The following CCDC180 variants were observed in gnomAD, a reference collection of about 807,000 sequenced individuals.
CCDC180 encodes the protein coiled-coil domain containing 180, also known as coiled-coil domain-containing protein 180.
In CCDC180, 154 loss-of-function variants were observed where a neutral mutation model predicts 209.2. The observed-to-expected ratio is 0.74, with a 90% CI of 0.65 to 0.84. The LOEUF is 0.84. Ranked by LOEUF, CCDC180 falls within the 40% of genes least tolerant of loss-of-function variation. CCDC180 has a pLI of 0.00. For missense variants in CCDC180, 1,874 were observed against 1,997.3 expected (o/e 0.94, Z 1.18); for synonymous variants, 778 against 749.1 (o/e 1.04, Z -0.63).
chr9:97,375,153 C>T (rs1420164276), intron 35 of CCDC180, among the ~76,000 whole-genome samples: 3 of 152,220 alleles, frequency 2.0e-5, no homozygotes, highest in South Asian at 2.1e-4. Context: ...TGGTGGCCAC[C>T]GCCTGGCTGG....
At chr9:97,343,627 T>TA (rs34335877) in intron 19 of CCDC180, 64 bp downstream of exon 19, 73,250 of 900,206 alleles carry the variant, frequency 0.081, 165 homozygotes, top group East Asian at 0.14. Context: ...GGTGAAATAT[T>TA]AAAAAAAAAA....
Position 97,345,672 on chromosome 9 carries a change from A to G in CCDC180, c.2499-1642A>G, listed in dbSNP as rs1455867652. On this transcript the variant is annotated intron_variant, in intron 19 of 36. Coordinates refer to ENST00000529487, the MANE Select transcript of CCDC180 (RefSeq NM_020893.6). ...AGGCTGAAGCAGGAGAATCGCCTGA[A>G]CCCAGGAGGCGGAGGTTACAGTGAA... 5 of 384,246 alleles carry G rather than the reference A, an allele frequency of 1.3e-5. No individual in the cohort carries two copies. In the East Asian group the frequency reaches 4.5e-4, roughly 34 times the overall value. 23.8% of individuals were successfully genotyped at this position (384,246 alleles called of 1,614,324 possible).
chr9:97,320,304 G>C, intron 11 of CCDC180, 99 bp downstream of exon 11: 1 of 1,123,016 alleles, frequency 8.9e-7, no homozygotes, highest in South Asian at 1.2e-5. Flanking sequence ...GCCATCATGG[G>C]GAGGAGGGAT....
intron 22 of CCDC180, among the ~76,000 whole-genome samples, chr9:97,352,418 A>G (rs983372297): frequency 6.6e-6 from 1 of 152,140 alleles, no homozygotes; most frequent in African/African-American, 2.4e-5. Context: ...CTTCCTTCCT[A>G]CAACTATGCA....
intron 31 of CCDC180, chr9:97,369,304 T>C (rs1827008216): frequency 6.6e-6 from 1 of 152,212 alleles, no homozygotes; most frequent in South Asian, 2.1e-4. Flanking sequence ...AGGCAATAGT[T>C]GAAATAATGG....
At position 97,349,625 on chromosome 9, in the gene CCDC180, A is replaced by T. The variant is rs75018772; in HGVS notation, c.2855+334A>T. Among the ~76,000 whole-genome samples the T allele has an allele frequency of 2.5e-3, 384 of 152,336 alleles. 1 individual carries two copies. The highest frequency in any genetic ancestry group is 8.7e-3 in the African/African-American group (362 of 41,576). The stretch of plus-strand genomic sequence containing the variant: ...CTGCAGGAGGCAGCATTGAAGATGA[A>T]CTCAGAGGAGCCCTGAATGGAGAAA... On this transcript the variant is annotated intron_variant, in intron 21 of 36. Coordinates refer to ENST00000529487, the MANE Select transcript of CCDC180 (RefSeq NM_020893.6).
chr9:97,308,272 T>G, intron 2 of CCDC180, 140 bp downstream of exon 2: 1 of 746,364 alleles, frequency 1.3e-6, no homozygotes, highest in Middle Eastern at 2.6e-4. Context: ...AAAATAATTC[T>G]TGCTTGTTCT....
intron 20 of CCDC180, among the ~76,000 whole-genome samples, chr9:97,348,120 G>T (rs1413299460): frequency 1.6e-3 from 2 of 1,216 alleles, no homozygotes; most frequent in African/African-American, 0.022. Context: ...AATGCGGGGC[G>T]GGGGGGGGGC....
At chr9:97,340,386 C>T (rs1190017149) in intron 18 of CCDC180, among the ~76,000 whole-genome samples, 2 of 152,100 alleles carry the variant, frequency 1.3e-5, no homozygotes, top group African/African-American at 4.8e-5. Flanking sequence ...CGGCAAGCCA[C>T]CCAGGTGCCG....
At position 97,323,892 on chromosome 9, in the gene CCDC180, G is replaced by A. The variant is rs1332941555; in HGVS notation, c.1360G>A (p.Glu454Lys). 6.4e-7 allele frequency: 1 copy of A among 1,554,402 alleles called. No individual in the cohort carries two copies. The highest frequency in any genetic ancestry group is 8.7e-7 in the Non-Finnish European group (1 of 1,148,614). The change falls in exon 13 of 37, where the codon GAG becomes AAG. Residue 454 changes from glutamate to lysine, a missense_variant. By Grantham distance (56) the Glu-to-Lys change is moderately conservative. Coordinates refer to ENST00000529487, the MANE Select transcript of CCDC180 (RefSeq NM_020893.6). ...CCAGGGCAAAGTGGAGGAGGACCTG[G>A]AGCTCTTGGACGTGCGTGCTGGGGA... ...ALQGKVEEDL[E>K]LLDKSFETLA...
intron 31 of CCDC180, among the ~76,000 whole-genome samples, chr9:97,368,514 T>C (rs1044848720): frequency 3.3e-5 from 5 of 152,128 alleles, no homozygotes; most frequent in Admixed American, 2.6e-4. Flanking sequence ...AGAAGGAAAC[T>C]GTCTTATCAA....
In CCDC180 at chr9:97,377,044, C is replaced by A; in HGVS notation, c.*150C>A. On this transcript the variant is annotated 3_prime_UTR_variant, in exon 37 of 37. Coordinates refer to ENST00000529487, the MANE Select transcript of CCDC180 (RefSeq NM_020893.6). Reference sequence around the variant, plus strand: ...ACTGTAGCTTTACCAGCGAACAGGACACAGCATGGTCCCTGCCCACGTGGA... The same window carrying A: ...ACTGTAGCTTTACCAGCGAACAGGAAACAGCATGGTCCCTGCCCACGTGGA... 3.6e-6 allele frequency: 3 copies of A among 823,856 alleles called. No individual in the cohort carries two copies. The highest frequency in any genetic ancestry group is 5.4e-6 in the Non-Finnish European group (3 of 558,166). 51.0% of individuals were successfully genotyped at this position (823,856 alleles called of 1,614,324 possible). A position where few individuals can be genotyped will look rare whatever the true frequency, so the allele number is the denominator to read the frequency against.
At chr9:97,342,791 A>G (rs1049673453) in intron 18 of CCDC180, among the ~76,000 whole-genome samples, 4 of 152,192 alleles carry the variant, frequency 2.6e-5, no homozygotes, top group Admixed American at 2.0e-4. Context: ...AAAGCTCCAT[A>G]TTCAAGCTGG....
chr9:97,362,150 C>T (rs767193178), intron 27 of CCDC180, 46 bp from the exon 28 acceptor site: 1 of 1,582,186 alleles, frequency 6.3e-7, no homozygotes, highest in East Asian at 2.2e-5. Flanking sequence ...CTGAGCTACC[C>T]CCATGGTCAC....
chr9:97,356,512 C>G lies in CCDC180; in HGVS notation c.3265-1115C>G, dbSNP rs536877778. On this transcript the variant is annotated intron_variant, in intron 24 of 36. Coordinates refer to ENST00000529487, the MANE Select transcript of CCDC180 (RefSeq NM_020893.6). ...TAGTCCCTGGAGCATAGTGAATCCT[C>G]AGTAAAGGCAGGCTCTGGTGGAGGC... 2.3e-3 allele frequency among the ~76,000 whole-genome samples: 355 copies of G among 152,334 alleles called. 3 individuals carry two copies. Among genetic ancestry groups the G allele is most frequent in the Non-Finnish European group, 1.9e-3 (130 of 68,030 alleles).
rs1453378005 is a variant in CCDC180, at chr9:97,328,076, T to C, written c.1718T>C (p.Met573Thr). ...GAAGTGATGGAGTACCCAGCGATCA[T>C]GCTGAAAGAACTCAACTCCTACAGC... is the stretch of plus-strand genomic sequence containing the variant. Reference protein sequence around the residue: ...TKEVMEYPAIMLKELNSYSSA... With the variant: ...TKEVMEYPAITLKELNSYSSA... Residue 573 changes from methionine (M) to threonine (T), a missense_variant, in exon 16 of 37, where the codon ATG becomes ACG. Met to Thr is a moderately conservative substitution (Grantham distance 81). Coordinates refer to ENST00000529487, the MANE Select transcript of CCDC180 (RefSeq NM_020893.6). 1 of 1,613,962 alleles carries C rather than the reference T, an allele frequency of 6.2e-7. No individual in the cohort carries two copies. Among genetic ancestry groups the C allele is most frequent in the Non-Finnish European group, 8.5e-7 (1 of 1,179,996 alleles).
intron 11 of CCDC180, among the ~76,000 whole-genome samples, chr9:97,320,914 A>G (rs1833336144): frequency 6.6e-6 from 1 of 152,192 alleles, no homozygotes; most frequent in Admixed American, 6.5e-5. Context: ...TTTCGACTTC[A>G]TGGTAGTGTG....
intron 18 of CCDC180, among the ~76,000 whole-genome samples, chr9:97,334,963 C>A (rs1825856975): frequency 6.6e-6 from 1 of 152,168 alleles, no homozygotes; most frequent in South Asian, 2.1e-4. Context: ...AAATTTTAAA[C>A]ATTTCTCTCA....
Position 97,374,488 on chromosome 9 carries a change from C to T in CCDC180, c.4601-55C>T, listed in dbSNP as rs1827186704. ...CTAAGTGTAATGCCAGGGGAAATCC[C>T]TCGATCTCAGGCTGTCGGTGAGGCT... On this transcript the variant is annotated intron_variant, in intron 34 of 36. Transcript: ENST00000529487. The T allele has an allele frequency of 2.2e-6, 3 of 1,386,634 alleles. No homozygotes were observed. In the African/African-American group the frequency reaches 4.3e-5, roughly 20 times the overall value. The allele number at this position is 1,386,634 out of a possible 1,614,324, so 85.9% of individuals were successfully genotyped here. A position where few individuals can be genotyped will look rare whatever the true frequency, so the allele number is the denominator to read the frequency against.
Sources: allele counts gnomAD v4.1 joint callset (sites outside exome capture counted in the v4.1 genomes callset), GRCh38; gene constraint gnomAD v4.1.1; transcripts MANE v1.5; gene names NCBI Gene and HGNC (gene_info 2026-07-23, HGNC 2026-07-21).